LIMA1: variants seen among roughly 807,000 people sequenced by gnomAD.
LIMA1 encodes the protein LIM domain and actin binding 1, also known as LIM domain and actin-binding protein 1.
A neutral mutation model predicts 62.6 loss-of-function variants in LIMA1; 52 were observed. That is an observed-to-expected ratio of 0.83 (90% CI 0.67 to 1.05). LIMA1 has a LOEUF of 1.05. Among genes scored for constraint, LIMA1 ranks in the 50% least tolerant of loss-of-function variants. The pLI, the probability that LIMA1 is intolerant of heterozygous loss-of-function variation, is 0.00. For synonymous variants in LIMA1, 302 were observed against 317.8 expected (o/e 0.95, Z 0.53); for missense variants, 780 against 902.2 (o/e 0.86, Z 1.74).
chr12:50,214,594 G>A (rs1178589760), intron 4 of LIMA1, among the ~76,000 whole-genome samples: 1 of 152,222 alleles, frequency 6.6e-6, no homozygotes, highest in Non-Finnish European at 1.5e-5. Context: ...GGATCACAAG[G>A]TCAGGAGTTC....
At chr12:50,275,319 G>C (rs768083370) in intron 1 of LIMA1, among the ~76,000 whole-genome samples, 17 of 152,168 alleles carry the variant, frequency 1.1e-4, no homozygotes, top group Non-Finnish European at 2.4e-4. Context: ...AGTGAGCTGA[G>C]ATTGCGCCAT....
At chr12:50,275,989 G>A (rs1417468886) in intron 1 of LIMA1, among the ~76,000 whole-genome samples, 1 of 152,114 alleles carries the variant, frequency 6.6e-6, no homozygotes, top group Non-Finnish European at 1.5e-5. Flanking sequence ...GCAGGTCTAG[G>A]TGGGACCTGA....
chr12:50,242,130 A>T (rs1941787222), intron 2 of LIMA1, among the ~76,000 whole-genome samples: 1 of 151,464 alleles, frequency 6.6e-6, no homozygotes, highest in Non-Finnish European at 1.5e-5. Flanking sequence ...AGAGTTCCTG[A>T]GCCATGACTC....
intron 1 of LIMA1, among the ~76,000 whole-genome samples, chr12:50,262,377 T>G (rs1432617242): frequency 6.6e-6 from 1 of 152,088 alleles, no homozygotes; most frequent in Non-Finnish European, 1.5e-5. Context: ...TCTGATTCAT[T>G]AGGTCTGGAG....
chr12:50,260,954 T>A (rs1306550045), intron 1 of LIMA1, among the ~76,000 whole-genome samples: 1 of 143,588 alleles, frequency 7.0e-6, no homozygotes, highest in Admixed American at 7.1e-5. Flanking sequence ...AAAAAGGAAG[T>A]CATTTATTTA....
rs762182699 is a variant in LIMA1, at chr12:50,190,682, A to AT, written c.1140+1769dup. On this transcript the variant is annotated intron_variant, in intron 9 of 10. Coordinates refer to ENST00000341247, the MANE Select transcript of LIMA1 (RefSeq NM_016357.5). ...GGCGTGAGCCACCACACCCGGCCTC[A>AT]TTTTTTTTTTTTTTTTTTTTTTTTT... is the stretch of plus-strand genomic sequence containing the variant. Among the ~76,000 whole-genome samples the AT allele has an allele frequency of 8.7e-3, 809 of 92,932 alleles. 95 individuals are homozygous for AT. Among genetic ancestry groups the AT allele is most frequent in the Non-Finnish European group, 0.013 (605 of 45,488 alleles). The allele number at this position is 92,932 out of a possible 152,430, so 61.0% of individuals were successfully genotyped here.
At chr12:50,239,604 C>T (rs547105035) in intron 2 of LIMA1, among the ~76,000 whole-genome samples, 12 of 151,794 alleles carry the variant, frequency 7.9e-5, no homozygotes, top group Middle Eastern at 3.4e-3. Context: ...AGCACCACCA[C>T]ACTCCAGCCT....
Position 50,177,428 on chromosome 12 carries a change from G to A in LIMA1, c.1916C>T (p.Ala639Val), listed in dbSNP as rs1940369782. 6.2e-7 allele frequency: 1 copy of A among 1,613,896 alleles called. No homozygotes were observed. The stretch of plus-strand genomic sequence containing the variant: ...ATTCCCATTCTTCTTAGAAGCCTTG[G>A]CATTTTCCACTTGTTTCCTTTCTGC... ...RVAERKQVEN[A>V]KASKKNGNVG... The change falls in exon 11 of 11, where the codon GCC (alanine) becomes GTC (valine). Residue 639 changes from alanine (A) to valine (V), a missense_variant. Ala to Val is a moderately conservative substitution (Grantham distance 64). Transcript: ENST00000341247.
intron 1 of LIMA1, among the ~76,000 whole-genome samples, chr12:50,280,431 T>C (rs1011328563): frequency 4.6e-5 from 7 of 152,308 alleles, no homozygotes; most frequent in African/African-American, 1.4e-4. Context: ...GTGCTGGGAT[T>C]ACAGGCGTGA....
At chr12:50,228,449 C>CT (rs1941564388) in intron 3 of LIMA1, among the ~76,000 whole-genome samples, 1 of 152,198 alleles carries the variant, frequency 6.6e-6, no homozygotes, top group Non-Finnish European at 1.5e-5. Context: ...GTGTTTGATT[C>CT]TGTTAACTCC....
At chr12:50,257,314 G>A (rs1942009232) in intron 1 of LIMA1, among the ~76,000 whole-genome samples, 2 of 152,104 alleles carry the variant, frequency 1.3e-5, no homozygotes, top group South Asian at 4.1e-4. Flanking sequence ...GTCCAGGCTG[G>A]TCTCAAATTC....
intron 7 of LIMA1, among the ~76,000 whole-genome samples, chr12:50,198,063 TG>T (rs2138455562): frequency 6.6e-6 from 1 of 152,348 alleles, no homozygotes; most frequent in East Asian, 1.9e-4. Flanking sequence ...AACATACATT[TG>T]TGATGTTTTT....
intron 9 of LIMA1, among the ~76,000 whole-genome samples, chr12:50,183,019 T>C (rs374007722): frequency 4.6e-4 from 70 of 152,072 alleles, no homozygotes; most frequent in African/African-American, 1.7e-3. Flanking sequence ...CTGGCCAACA[T>C]GGTGAAACCC....
intron 4 of LIMA1, among the ~76,000 whole-genome samples, chr12:50,206,360 C>T (rs999521602): frequency 5.3e-5 from 8 of 152,140 alleles, no homozygotes; most frequent in Admixed American, 1.3e-4. Flanking sequence ...AATGACATGT[C>T]CTTCTAAACT....
chr12:50,205,916 G>T, intron 5 of LIMA1, 68 bp downstream of exon 5: 1 of 1,160,420 alleles, frequency 8.6e-7, no homozygotes, highest in East Asian at 2.5e-5. Flanking sequence ...TTGGCTTCGA[G>T]TCCAAAAGAT....
At chr12:50,196,077 T>A (rs568441419) in intron 7 of LIMA1, 190 bp from the exon 8 acceptor site, 3 of 533,964 alleles carry the variant, frequency 5.6e-6, no homozygotes, top group Non-Finnish European at 9.7e-6. Context: ...TTTATGAGGA[T>A]ATTAACATGC....
intron 4 of LIMA1, among the ~76,000 whole-genome samples, chr12:50,207,852 T>C (rs1941181351): frequency 6.8e-6 from 1 of 148,030 alleles, no homozygotes; most frequent in East Asian, 2.0e-4. Flanking sequence ...ATCGCTCCAC[T>C]GCACTCCAGC....
chr12:50,263,452 G>T, intron 1 of LIMA1, among the ~76,000 whole-genome samples: 1 of 152,112 alleles, frequency 6.6e-6, no homozygotes, highest in East Asian at 1.9e-4. Flanking sequence ...AGCAACTTGA[G>T]CGATCAGAAG....
At chr12:50,224,850 G>A (rs1941502008) in intron 3 of LIMA1, among the ~76,000 whole-genome samples, 1 of 150,990 alleles carries the variant, frequency 6.6e-6, no homozygotes, top group Admixed American at 6.6e-5. Context: ...TCCCACCTCA[G>A]CCTCCTGAGT....
Sources: allele counts gnomAD v4.1 joint callset (sites outside exome capture counted in the v4.1 genomes callset), GRCh38; gene constraint gnomAD v4.1.1; transcripts MANE v1.5; gene names NCBI Gene and HGNC (gene_info 2026-07-23, HGNC 2026-07-21).